The following EFCC1 variants were observed in gnomAD, a reference collection of about 807,000 sequenced individuals.
EFCC1 encodes EF-hand and coiled-coil domain containing 1.
In EFCC1, 50 loss-of-function variants were observed where a neutral mutation model predicts 52.1. The observed-to-expected ratio is 0.96, with a 90% confidence interval of 0.76 to 1.21. EFCC1 has a LOEUF of 1.21. Ranked by LOEUF, EFCC1 falls within the 50% of genes most tolerant of loss-of-function variation. The probability of loss-of-function intolerance (pLI) is 0.00; values close to 1 mark genes in which losing one functional copy is unlikely to be tolerated. For synonymous variants in EFCC1, 399 were observed against 396.5 expected, an observed-to-expected ratio of 1.01 and a Z score of -0.08; for missense variants, 837 against 867.3, an observed-to-expected ratio of 0.97 and a Z score of 0.44.
At chr3:129,039,395 C>G (rs1946395979) in intron 7 of EFCC1, among the ~76,000 whole-genome samples, 1 of 152,222 alleles carries the variant, frequency 6.6e-6, no homozygotes, top group South Asian at 2.1e-4. Flanking sequence ...GCTCCTGCCT[C>G]ACGGGTCTTC....
rs1576782758 is a variant in EFCC1, at chr3:129,033,101, C to T, written c.1286+135C>T. Reference sequence around the variant, plus strand: ...CCCTCTGCGACTCTGTCCCCTTGTCCCTCAGGGGGAGGTGGGAAGGCCCAC... The same window carrying T: ...CCCTCTGCGACTCTGTCCCCTTGTCTCTCAGGGGGAGGTGGGAAGGCCCAC... On this transcript the variant is annotated intron_variant, in intron 4 of 7. Transcript: ENST00000683648. 3.1e-6 allele frequency: 4 copies of T among 1,300,698 alleles called. No individual in the cohort carries two copies. The East Asian group carries it at 8.3e-5, about 27-fold the overall frequency. 80.6% of individuals were successfully genotyped at this position (1,300,698 alleles called of 1,614,324 possible).
At chr3:129,004,470 TCCATCCACTCACTCACCCAC>T (rs1444373545) in intron 2 of EFCC1, among the ~76,000 whole-genome samples, 2 of 135,676 alleles carry the variant, frequency 1.5e-5, no homozygotes, top group Non-Finnish European at 3.2e-5. Flanking sequence ...CATCTATTCA[TCCATCCACTCACTCACCCAC>T]CCATCCACTC....
chr3:129,028,264 A>G (rs1156731384), intron 2 of EFCC1, among the ~76,000 whole-genome samples: 1 of 151,730 alleles, frequency 6.6e-6, no homozygotes, highest in African/African-American at 2.4e-5. Context: ...TTGTATTTTT[A>G]GTAGAGATGT....
chr3:129,037,898 C>CA (rs747476450), intron 6 of EFCC1, among the ~76,000 whole-genome samples: 1,119 of 96,430 alleles, frequency 0.012, 9 homozygotes, highest in East Asian at 0.048. Context: ...CCCACCTCTA[C>CA]AAAAAAAAAA....
In EFCC1 at chr3:129,003,894, C is replaced by T. The variant is rs955110100; in HGVS notation, c.797C>T (p.Ala266Val). 43 of 1,375,074 alleles carry T rather than the reference C, an allele frequency of 3.1e-5. No individual in the cohort carries two copies. Among genetic ancestry groups the T allele is most frequent in the Non-Finnish European group, 3.8e-5 (41 of 1,067,386 alleles). The allele number at this position is 1,375,074 out of a possible 1,614,324, so 85.2% of individuals were successfully genotyped here. ...CGTCAGGCGCAGGGCGCCCTGGCTG[C>T]GGCGGAGGCCCGCGCTGGGCGGCTG... ...ELRQAQGALA[A>V]AEARAGRLRR... The change falls in exon 2 of 8, where the codon GCG becomes GTG. Residue 266 changes from alanine (A) to valine (V), a missense_variant. Physicochemically the swap from Ala to Val is moderately conservative, Grantham distance 64. Coordinates refer to ENST00000683648, the MANE Select transcript of EFCC1 (RefSeq NM_001377500.1).
At position 129,001,563 on chromosome 3, in the gene EFCC1, C is replaced by T; in HGVS notation, c.-66C>T. 1.5e-6 allele frequency: 2 copies of T among 1,349,174 alleles called. No homozygotes were observed. Among genetic ancestry groups the T allele is most frequent in the Non-Finnish European group, 1.9e-6 (2 of 1,056,660 alleles). The allele number at this position is 1,349,174 out of a possible 1,614,324, so 83.6% of individuals were successfully genotyped here. A position where few individuals can be genotyped will look rare whatever the true frequency, so the allele number is the denominator to read the frequency against. ...CTCCTTTCGAGAAACTCTGGGGCCGCCCCTGGAAGTGGCGGGGCGAAGGGA... is the reference window on the plus strand; with the variant it reads ...CTCCTTTCGAGAAACTCTGGGGCCGTCCCTGGAAGTGGCGGGGCGAAGGGA... On this transcript the variant is annotated 5_prime_UTR_variant, in exon 1 of 8. Transcript: ENST00000683648.
chr3:129,021,046 G>A (rs558713703), intron 2 of EFCC1, among the ~76,000 whole-genome samples: 34 of 152,268 alleles, frequency 2.2e-4, no homozygotes, highest in Middle Eastern at 3.4e-3. Flanking sequence ...CTGGAAATTC[G>A]TGGGGAGGAG....
At chr3:129,030,564 G>C in intron 2 of EFCC1, 139 bp from the exon 3 acceptor site, 1 of 954,022 alleles carries the variant, frequency 1.0e-6, no homozygotes, top group Non-Finnish European at 1.4e-6. Context: ...TGAGTATCTA[G>C]CACTTCCTCC....
intron 2 of EFCC1, among the ~76,000 whole-genome samples, chr3:129,012,732 C>G (rs759393297): frequency 1.3e-5 from 2 of 152,184 alleles, no homozygotes; most frequent in Non-Finnish European, 2.9e-5. Context: ...AAGGTTGGTG[C>G]TGTTACCAGG....
Position 129,038,934 on chromosome 3 carries a change from C to A in EFCC1, c.1663+34C>A, listed in dbSNP as rs539551115. 1.3e-5 allele frequency: 21 copies of A among 1,594,712 alleles called. No homozygotes were observed. In the African/African-American group the frequency reaches 2.7e-4, roughly 20 times the overall value. ...GCACCCTAGTCTCTCAGAGCCCACG[C>A]AGTGGCTGGAGGGTGTCCTGAGGAG... On this transcript the variant is annotated intron_variant, in intron 7 of 7. Transcript: ENST00000683648.
chr3:129,016,651 C>T (rs1400896553), intron 2 of EFCC1, among the ~76,000 whole-genome samples: 5 of 152,116 alleles, frequency 3.3e-5, no homozygotes, highest in Non-Finnish European at 7.4e-5. Flanking sequence ...GACAGAGCTA[C>T]AGCTGCAGGC....
intron 2 of EFCC1, among the ~76,000 whole-genome samples, chr3:129,021,519 A>G (rs1027981367): frequency 1.3e-5 from 2 of 152,156 alleles, no homozygotes; most frequent in African/African-American, 4.8e-5. Flanking sequence ...GGTTGTGGTG[A>G]GACTAGATCA....
chr3:129,023,306 GCTT>G (rs1279016001), intron 2 of EFCC1, among the ~76,000 whole-genome samples: 2 of 144,154 alleles, frequency 1.4e-5, no homozygotes, highest in Non-Finnish European at 1.5e-5. Flanking sequence ...ATGGCCTCTT[GCTT>G]CTTTTTTTTT....
intron 2 of EFCC1, among the ~76,000 whole-genome samples, chr3:129,008,240 A>G (rs1945161149): frequency 6.6e-6 from 1 of 152,378 alleles, no homozygotes; most frequent in South Asian, 2.1e-4. Context: ...ATTTTTGTTC[A>G]TGGATAAGAC....
At chr3:129,039,326 C>T (rs1354994168) in intron 7 of EFCC1, among the ~76,000 whole-genome samples, 4 of 152,194 alleles carry the variant, frequency 2.6e-5, no homozygotes, top group South Asian at 2.1e-4. Flanking sequence ...GGTGTTTAGA[C>T]GAAGCTCAGG....
At chr3:129,002,624 A>G in intron 1 of EFCC1, 1 of 450,742 alleles carries the variant, frequency 2.2e-6, no homozygotes, top group Non-Finnish European at 3.8e-6. Context: ...CCTTTAACCT[A>G]GGAATTGCAC....
chr3:129,027,132 C>T (rs1025258658), intron 2 of EFCC1, among the ~76,000 whole-genome samples: 19 of 151,906 alleles, frequency 1.3e-4, no homozygotes, highest in African/African-American at 3.9e-4. Context: ...GTCAGCGAAA[C>T]GCCGGAAACG....
chr3:129,030,558 T>C (rs1206977669), intron 2 of EFCC1, 145 bp from the exon 3 acceptor site: 12 of 884,776 alleles, frequency 1.4e-5, no homozygotes, highest in Non-Finnish European at 1.8e-5. Context: ...GGAATCTGAG[T>C]ATCTAGCACT....
At position 129,039,773 on chromosome 3, in the gene EFCC1, GC is replaced by G. The variant is rs777505054; in HGVS notation, c.1726del (p.Leu576CysfsTer51). 1.2e-6 allele frequency: 2 copies of G among 1,612,178 alleles called. No individual in the cohort carries two copies. Among genetic ancestry groups the G allele is most frequent in the South Asian group, 2.2e-5 (2 of 90,852 alleles). Reference sequence around the variant, plus strand: ...TGCACCAAGCCTTGGCTGCCTGCCAGCTGTTGCGGAGACAGCCCTCGGCACC... The same window carrying G: ...TGCACCAAGCCTTGGCTGCCTGCCAGTGTTGCGGAGACAGCCCTCGGCACC... ...ALHQALAACQ[L>X]LRRQPSAPAS... On this transcript the variant is annotated frameshift_variant, in exon 8 of 8. Transcript: ENST00000683648. LOFTEE classifies it low-confidence loss of function (END_TRUNC).
Sources: allele counts gnomAD v4.1 joint callset (sites outside exome capture counted in the v4.1 genomes callset), GRCh38; gene constraint gnomAD v4.1.1; transcripts MANE v1.5; gene names NCBI Gene and HGNC (gene_info 2026-07-23, HGNC 2026-07-21).